The following RSRP1 variants were observed in gnomAD, a reference collection of about 807,000 sequenced individuals.
RSRP1 encodes arginine and serine rich protein 1.
In RSRP1, 37 loss-of-function variants were observed where a neutral mutation model predicts 33.0. The observed-to-expected ratio is 1.12, with a 90% CI of 0.86 to 1.48. The LOEUF is 1.48. RSRP1 is among the 40% of genes most tolerant of loss of function. The pLI, the probability that RSRP1 is intolerant of heterozygous loss-of-function variation, is 0.00. For missense variants in RSRP1, 402 were observed against 385.3 expected (o/e 1.04, Z -0.36); for synonymous variants, 167 against 158.7 (o/e 1.05, Z -0.40).
At chr1:25,330,733 A>T (rs1644986595) in intron 1 of RSRP1, among the ~76,000 whole-genome samples, 1 of 131,166 alleles carries the variant, frequency 7.6e-6, no homozygotes, top group South Asian at 2.3e-4. Flanking sequence ...GCGTTGTATT[A>T]GTCTGCTTGG....
At position 25,329,289 on chromosome 1, in the gene RSRP1, G is replaced by C. The variant is rs1644939552; in HGVS notation, c.-67+8689C>G. On this transcript the variant is annotated intron_variant, in intron 1 of 1. Coordinates refer to the RSRP1 transcript ENST00000561867. ...AGATGTAGTCTTACTCTGTCACCCA[G>C]GCTAGAGTGCAATGGCACCATCTTG... The C allele has an allele frequency of 8.8e-6, 4 of 456,148 alleles. 2 individuals carry two copies. Among genetic ancestry groups the C allele is most frequent in the Non-Finnish European group, 7.6e-6 (2 of 263,766 alleles). The allele number at this position is 456,148 out of a possible 1,614,324, so 28.3% of individuals were successfully genotyped here. A position where few individuals can be genotyped will look rare whatever the true frequency, so the allele number is the denominator to read the frequency against.
upstream of RSRP1, chr1:25,247,894 C>T (rs963966277): frequency 1.3e-5 from 2 of 152,470 alleles, no homozygotes; most frequent in Non-Finnish European, 2.9e-5. Flanking sequence ...GTCTGACGGG[C>T]TGGTGCCCAC....
At chr1:25,330,474 G>A (rs371592286) in intron 1 of RSRP1, 1 of 133,208 alleles carries the variant, frequency 7.5e-6, no homozygotes, top group Non-Finnish European at 1.8e-5. Context: ...AAATGTAGTT[G>A]CATACAGAAA....
chr1:25,261,545 C>G (rs2124562972), intron 1 of RSRP1, among the ~76,000 whole-genome samples: 1 of 151,832 alleles, frequency 6.6e-6, no homozygotes, highest in East Asian at 1.9e-4. Flanking sequence ...GCTGGGCCTA[C>G]AGGCGCCCGC....
chr1:25,244,604 T>C, intron 3 of RSRP1: 1 of 1,264,544 alleles, frequency 7.9e-7, no homozygotes, highest in Non-Finnish European at 1.0e-6. Context: ...TGTAAATAGC[T>C]TAGAAAAACT....
chr1:25,321,435 T>C (rs1187710024), intron 1 of RSRP1, among the ~76,000 whole-genome samples: 14 of 107,766 alleles, frequency 1.3e-4, no homozygotes, highest in African/African-American at 4.4e-4. Context: ...CTGAGGTGGG[T>C]GGATCACCTG....
In RSRP1 at chr1:25,315,747, C is replaced by A. The variant is rs574256391; in HGVS notation, c.-67+22231G>T. 2.2e-4 allele frequency among the ~76,000 whole-genome samples: 29 copies of A among 130,280 alleles called. 6 individuals are homozygous for A. Among genetic ancestry groups the A allele is most frequent in the Middle Eastern group, 4.1e-3 (1 of 242 alleles). 85.5% of individuals were successfully genotyped at this position (130,280 alleles called of 152,430 possible). A position where few individuals can be genotyped will look rare whatever the true frequency, so the allele number is the denominator to read the frequency against. ...TCCTGACCTCATGATCTGCCCGCCTCGGCCTCCCAAAGTGTGGGGATTACA... is the reference window on the plus strand; with the variant it reads ...TCCTGACCTCATGATCTGCCCGCCTAGGCCTCCCAAAGTGTGGGGATTACA... On this transcript the variant is annotated intron_variant, in intron 1 of 1. Transcript: ENST00000561867.
chr1:25,252,895 G>C (rs781034591), intron 1 of RSRP1, among the ~76,000 whole-genome samples: 39 of 152,078 alleles, frequency 2.6e-4, no homozygotes, highest in Middle Eastern at 3.2e-3. Context: ...TTTGTCATTG[G>C]ACTCAAGGAA....
At chr1:25,314,473 C>G (rs539640290) in intron 1 of RSRP1, among the ~76,000 whole-genome samples, 1 of 132,068 alleles carries the variant, frequency 7.6e-6, no homozygotes, top group African/African-American at 2.6e-5. Context: ...ATATGAATCC[C>G]ACTTTGTGCG....
In RSRP1 at chr1:25,302,633, A is replaced by G. The variant is rs1166826138; in HGVS notation, c.-67+35345T>C. On this transcript the variant is annotated intron_variant, in intron 1 of 1. Transcript: ENST00000561867. ...GAGCAGTGAAGGACATAGCAGAGCT[A>G]TGACCCAGGAACAAGGCCCAGCTTA... 2.3e-5 allele frequency among the ~76,000 whole-genome samples: 3 copies of G among 129,972 alleles called. 1 individual carries two copies. Among genetic ancestry groups the G allele is most frequent in the Non-Finnish European group, 5.4e-5 (3 of 55,148 alleles). 85.3% of individuals were successfully genotyped at this position (129,972 alleles called of 152,430 possible).
intron 3 of RSRP1, chr1:25,244,771 G>T: frequency 9.7e-7 from 1 of 1,031,600 alleles, no homozygotes; most frequent in Non-Finnish European, 1.2e-6. Flanking sequence ...TGCAACCTTA[G>T]CATCCTAGGC....
intron 1 of RSRP1, among the ~76,000 whole-genome samples, chr1:25,321,545 C>T (rs1207834689): frequency 5.7e-5 from 7 of 122,396 alleles, no homozygotes; most frequent in African/African-American, 1.9e-4. Flanking sequence ...TGGCAGGCGC[C>T]TATAATCTCA....
chr1:25,310,937 C>T (rs1182691655), intron 1 of RSRP1, among the ~76,000 whole-genome samples: 1 of 125,202 alleles, frequency 8.0e-6, no homozygotes, highest in Non-Finnish European at 1.9e-5. Context: ...CGTGCTATTG[C>T]ACTCCAGCTT....
In RSRP1 at chr1:25,303,327, T is replaced by G. The variant is rs141833592; in HGVS notation, c.-67+34651A>C. On this transcript the variant is annotated intron_variant, in intron 1 of 1. Coordinates refer to the RSRP1 transcript ENST00000561867. ...CACACGCTATTTCTTTGCAGACTTA[T>G]GTGCACAGTGCGGTGTTGGCAGGAG... 3,426 of 1,367,304 alleles carry G rather than the reference T, an allele frequency of 2.5e-3. 523 individuals are homozygous for G. The African/African-American group carries it at 0.042, about 17-fold the overall frequency. 84.7% of individuals were successfully genotyped at this position (1,367,304 alleles called of 1,614,324 possible).
In RSRP1 at chr1:25,247,023, G is replaced by T; in HGVS notation, c.-60C>A. 1.4e-6 allele frequency: 2 copies of T among 1,444,184 alleles called. No individual in the cohort carries two copies. Among genetic ancestry groups the T allele is most frequent in the Non-Finnish European group, 1.8e-6 (2 of 1,081,490 alleles). The allele number at this position is 1,444,184 out of a possible 1,614,324, so 89.5% of individuals were successfully genotyped here. A position where few individuals can be genotyped will look rare whatever the true frequency, so the allele number is the denominator to read the frequency against. On this transcript the variant is annotated 5_prime_UTR_variant, in exon 2 of 5. It adds an upstream start codon to the 5' untranslated region. Coordinates refer to ENST00000243189, the MANE Select transcript of RSRP1 (RefSeq NM_020317.5). The stretch of plus-strand genomic sequence containing the variant: ...AAAGGATCCCGCAAGCCTCAACTCA[G>T]GACTTCCTAAAAAACCAAGAGAGAA...
chr1:25,260,261 C>A (rs879221771), intron 1 of RSRP1, among the ~76,000 whole-genome samples: 2 of 152,128 alleles, frequency 1.3e-5, no homozygotes, highest in African/African-American at 4.8e-5. Context: ...TTACACAATA[C>A]TTGAAAAATA....
upstream of RSRP1, among the ~76,000 whole-genome samples, chr1:25,252,042 C>G (rs1639801158): frequency 1.3e-5 from 2 of 150,558 alleles, no homozygotes; most frequent in African/African-American, 4.9e-5. Flanking sequence ...AGGTGCACGC[C>G]ACCACGCCTG....
At chr1:25,290,900 T>C (rs1203148525) in intron 1 of RSRP1, 1 of 1,155,762 alleles carries the variant, frequency 8.7e-7, no homozygotes, top group Non-Finnish European at 1.3e-6. Context: ...TCCCAGCTAC[T>C]TGGGAGGTTG....
In RSRP1 at chr1:25,242,620, T is replaced by C. The variant is rs1267320941; in HGVS notation, c.842A>G (p.Lys281Arg). 7 of 1,612,550 alleles carry C rather than the reference T, an allele frequency of 4.3e-6. No homozygotes were observed. The highest frequency in any genetic ancestry group is 5.9e-6 in the Non-Finnish European group (7 of 1,179,660). The stretch of plus-strand genomic sequence containing the variant: ...AGGTATCCACAGTCCATATGGACTT[T>C]TTTTCTGATCTATTTTTGGTGATCT... ...SSRSPKIDQKKSPYGLWIPI is the reference protein window; with the variant it reads ...SSRSPKIDQKRSPYGLWIPI The change falls in exon 5 of 5, where the codon AAA becomes AGA. Residue 281 changes from lysine to arginine, a missense_variant. Transcript: ENST00000243189.
Sources: allele counts gnomAD v4.1 joint callset (sites outside exome capture counted in the v4.1 genomes callset), GRCh38; gene constraint gnomAD v4.1.1; transcripts MANE v1.5; gene names NCBI Gene and HGNC (gene_info 2026-07-23, HGNC 2026-07-21).